Variants in MAPK6 observed in about 807,000 individuals in gnomAD.
The protein encoded by MAPK6 is mitogen-activated protein kinase 6.
Under a neutral mutation model 59.3 loss-of-function variants are expected in MAPK6, and 19 were observed. That is an observed-to-expected ratio of 0.32 (90% CI 0.22 to 0.47). The LOEUF (loss-of-function observed/expected upper bound fraction) is 0.47, where lower values mean the gene tolerates loss of function less well. MAPK6 is among the 20% of genes least tolerant of loss of function. The probability of loss-of-function intolerance (pLI) is 1.00; values close to 1 mark genes in which losing one functional copy is unlikely to be tolerated. For synonymous variants in MAPK6, 316 were observed against 290.3 expected (o/e 1.09, Z -0.90); for missense variants, 724 against 847.9 (o/e 0.85, Z 1.81).
intron 2 of MAPK6, among the ~76,000 whole-genome samples, chr15:51,984,435 A>T (rs1326319290): frequency 7.0e-6 from 1 of 142,148 alleles, no homozygotes; most frequent in East Asian, 2.1e-4. Context: ...GCGCCTGCCA[A>T]CACGCCGGCT....
At chr15:51,986,755 G>A (rs1483447491) in intron 2 of MAPK6, among the ~76,000 whole-genome samples, 2 of 152,016 alleles carry the variant, frequency 1.3e-5, no homozygotes, top group African/African-American at 4.8e-5. Context: ...TCATTTATGT[G>A]GCCCAAGATC....
intron 1 of MAPK6, among the ~76,000 whole-genome samples, chr15:52,021,298 A>T (rs1253462518): frequency 6.6e-6 from 1 of 151,044 alleles, no homozygotes; most frequent in African/African-American, 2.4e-5. Flanking sequence ...GAGGAAGCTT[A>T]CAAGTGCTGC....
intron 1 of MAPK6, among the ~76,000 whole-genome samples, chr15:51,980,059 C>T (rs2057168667): frequency 6.6e-6 from 1 of 151,748 alleles, no homozygotes; most frequent in Non-Finnish European, 1.5e-5. Flanking sequence ...ATTTGGGAGG[C>T]CAAGGTGGGC....
intron 1 of MAPK6, among the ~76,000 whole-genome samples, chr15:52,045,603 G>T (rs1250810496): frequency 1.3e-5 from 2 of 152,132 alleles, no homozygotes; most frequent in Non-Finnish European, 2.9e-5. Flanking sequence ...CTGTTACCAA[G>T]AATCTAGTGT....
chr15:51,996,793 A>T (rs1326123718), intron 2 of MAPK6, among the ~76,000 whole-genome samples: 1 of 151,836 alleles, frequency 6.6e-6, no homozygotes, highest in African/African-American at 2.4e-5. Context: ...CCTGGGCTCA[A>T]ATGATCCTCC....
chr15:52,039,601 C>A (rs959598016), intron 1 of MAPK6, among the ~76,000 whole-genome samples: 1 of 149,982 alleles, frequency 6.7e-6, no homozygotes, highest in Non-Finnish European at 1.5e-5. Context: ...CTGCAGCGTC[C>A]GCCTCCCAGG....
rs545633514 is a variant in MAPK6, at chr15:52,053,173, A to G, written c.700+3036A>G. ...CTGCAACCACTGCCACCCAGGTTCA[A>G]ACAGTTCTCCTGCTCTCAGCCTCCC... On this transcript the variant is annotated intron_variant, in intron 3 of 5. Coordinates refer to ENST00000261845, the MANE Select transcript of MAPK6 (RefSeq NM_002748.4). Among the ~76,000 whole-genome samples, 13 of 151,880 alleles carry G rather than the reference A, an allele frequency of 8.6e-5. No individual in the cohort carries two copies. In the South Asian group the frequency reaches 2.3e-3, roughly 27 times the overall value.
At chr15:52,037,294 A>C (rs2031275291) in intron 1 of MAPK6, among the ~76,000 whole-genome samples, 1 of 152,300 alleles carries the variant, frequency 6.6e-6, no homozygotes, top group African/African-American at 2.4e-5. Flanking sequence ...GAGTCCAGAG[A>C]TGTTTTATAT....
rs1390087841 is a variant in MAPK6 at position 52,066,132 on chromosome 15, T to G, written c.*1132T>G. 6.6e-6 allele frequency: 1 copy of G among 152,630 alleles called. No homozygotes were observed. The highest frequency in any genetic ancestry group is 1.5e-5 in the Non-Finnish European group (1 of 68,036). The allele number at this position is 152,630 out of a possible 1,614,324, so 9.5% of individuals were successfully genotyped here. On this transcript the variant is annotated 3_prime_UTR_variant, in exon 6 of 6. Coordinates refer to ENST00000261845, the MANE Select transcript of MAPK6 (RefSeq NM_002748.4). Reference sequence around the variant, plus strand: ...ATCCCAAGGCAAGCATGAATAAAATTAGGTTAAACGTAGCATGTGGCATCG... The same window carrying G: ...ATCCCAAGGCAAGCATGAATAAAATGAGGTTAAACGTAGCATGTGGCATCG...
intron 1 of MAPK6, among the ~76,000 whole-genome samples, chr15:52,045,616 T>A (rs1014107995): frequency 4.6e-5 from 7 of 152,124 alleles, no homozygotes; most frequent in Non-Finnish European, 8.8e-5. Flanking sequence ...TCTAGTGTAG[T>A]GAAATCTGGA....
At chr15:52,036,327 G>A (rs540006808) in intron 1 of MAPK6, among the ~76,000 whole-genome samples, 1 of 152,224 alleles carries the variant, frequency 6.6e-6, no homozygotes, top group South Asian at 2.1e-4. Flanking sequence ...AATATAAGCT[G>A]TCCCTCTTGG....
At chr15:51,981,796 G>C (rs2057174419) in intron 1 of MAPK6, among the ~76,000 whole-genome samples, 1 of 152,090 alleles carries the variant, frequency 6.6e-6, no homozygotes, top group Non-Finnish European at 1.5e-5. Context: ...AAGGAGGATG[G>C]GGTACGGAGG....
At chr15:51,987,385 A>G (rs2057194151) in intron 2 of MAPK6, among the ~76,000 whole-genome samples, 1 of 152,126 alleles carries the variant, frequency 6.6e-6, no homozygotes, top group African/African-American at 2.4e-5. Flanking sequence ...GCGGCAGATC[A>G]CTTGAGGTCA....
At chr15:51,993,906 A>AC (rs2057217228) in intron 2 of MAPK6, among the ~76,000 whole-genome samples, 1 of 150,240 alleles carries the variant, frequency 6.7e-6, no homozygotes, top group South Asian at 2.1e-4. Flanking sequence ...AGCTGGGATT[A>AC]CCGGAACACA....
At chr15:52,006,467 A>C (rs959953194) in intron 3 of MAPK6, among the ~76,000 whole-genome samples, 1 of 152,172 alleles carries the variant, frequency 6.6e-6, no homozygotes, top group Non-Finnish European at 1.5e-5. Flanking sequence ...TTCAACTAAC[A>C]TTTTTTTGAG....
At chr15:52,016,018 T>C (rs535736849), upstream of MAPK6, among the ~76,000 whole-genome samples, 132 of 144,542 alleles carry the variant, frequency 9.1e-4, no homozygotes, top group African/African-American at 3.0e-3. Flanking sequence ...ATCCTGCCAC[T>C]GCACTCCAGC....
upstream of MAPK6, among the ~76,000 whole-genome samples, chr15:52,016,070 G>GCGCGCGCGCACACACA: frequency 5.6e-3 from 310 of 55,422 alleles, 7 homozygotes; most frequent in Non-Finnish European, 7.8e-3. Context: ...GCGCGCGCGC[G>GCGCGCGCGCACACACA]CACACACACA....
intron 1 of MAPK6, among the ~76,000 whole-genome samples, chr15:52,027,366 A>AAAAAAAAAT (rs2030839723): frequency 6.7e-6 from 1 of 149,856 alleles, no homozygotes; most frequent in Admixed American, 6.7e-5. Flanking sequence ...AAAAAAAAAA[A>AAAAAAAAAT]AAGAAAATGC....
At position 52,046,037 on chromosome 15, in the gene MAPK6, A is replaced by C. The variant is rs1346741997; in HGVS notation, c.-424A>C. 5.8e-6 allele frequency: 1 copy of C among 171,494 alleles called. No individual in the cohort carries two copies. The highest frequency in any genetic ancestry group is 1.3e-5 in the Non-Finnish European group (1 of 79,082). The allele number at this position is 171,494 out of a possible 1,614,324, so 10.6% of individuals were successfully genotyped here. On this transcript the variant is annotated 5_prime_UTR_variant, in exon 2 of 6. Coordinates refer to ENST00000261845, the MANE Select transcript of MAPK6 (RefSeq NM_002748.4). ...AATGATGCTGCTCAGGACCAGTCCA[A>C]CACTGAATGTATCTGCACTGTGAGG... is the stretch of plus-strand genomic sequence containing the variant.
Sources: allele counts gnomAD v4.1 joint callset (sites outside exome capture counted in the v4.1 genomes callset), GRCh38; gene constraint gnomAD v4.1.1; transcripts MANE v1.5; gene names NCBI Gene and HGNC (gene_info 2026-07-23, HGNC 2026-07-21).